The following VSNL1 variants were observed in gnomAD, a reference collection of about 807,000 sequenced individuals.
VSNL1 encodes the protein visinin-like protein 1.
Under a neutral mutation model 20.4 loss-of-function variants are expected in VSNL1, and 6 were observed. The observed-to-expected ratio is 0.29, with a 90% confidence interval of 0.16 to 0.58. The LOEUF (loss-of-function observed/expected upper bound fraction) is 0.58, where lower values mean the gene tolerates loss of function less well. Among genes scored for constraint, VSNL1 ranks in the 20% least tolerant of loss-of-function variants. The pLI, the probability that VSNL1 is intolerant of heterozygous loss-of-function variation, is 0.90. For synonymous variants in VSNL1, 93 were observed against 86.4 expected (o/e 1.08, Z -0.42); for missense variants, 100 against 234.5 (o/e 0.43, Z 3.75).
chr2:17,647,935 T>C (rs529962481), intron 2 of VSNL1, among the ~76,000 whole-genome samples: 1 of 152,188 alleles, frequency 6.6e-6, no homozygotes, highest in East Asian at 1.9e-4. Context: ...GTGAAAGATA[T>C]GTTTAGGGAA....
At chr2:17,543,920 T>A (rs900631127) in intron 1 of VSNL1, among the ~76,000 whole-genome samples, 1 of 152,190 alleles carries the variant, frequency 6.6e-6, no homozygotes, top group African/African-American at 2.4e-5. Context: ...GCCTATACAA[T>A]AACATTCTAT....
At chr2:17,638,681 T>G (rs772570461) in intron 2 of VSNL1, among the ~76,000 whole-genome samples, 14 of 152,180 alleles carry the variant, frequency 9.2e-5, no homozygotes, top group Non-Finnish European at 1.9e-4. Context: ...TCATTCTCAG[T>G]AGGATGGGAG....
intron 2 of VSNL1, among the ~76,000 whole-genome samples, chr2:17,604,828 T>C (rs2103387932): frequency 6.6e-6 from 1 of 152,320 alleles, no homozygotes; most frequent in South Asian, 2.1e-4. Flanking sequence ...GGTGGTTTCT[T>C]TTTTTCTCCT....
chr2:17,544,797 A>C (rs1253773003), intron 1 of VSNL1, among the ~76,000 whole-genome samples: 1 of 152,174 alleles, frequency 6.6e-6, no homozygotes, highest in Admixed American at 6.5e-5. Context: ...ATCTAAACTG[A>C]CAGTGTCCAT....
In VSNL1 at chr2:17,634,572, T is replaced by G. The variant is rs1464890738; in HGVS notation, c.163-14838T>G. Among the ~76,000 whole-genome samples the G allele has an allele frequency of 6.6e-6, 1 of 152,214 alleles. No individual in the cohort carries two copies. On this transcript the variant is annotated intron_variant, in intron 2 of 3. Transcript: ENST00000295156. This position sits in a 1 kb window ranked among gnomAD's most constrained non-coding sequence, Gnocchi z 4.3. ...GATGTGTTTGTTGTACAAATGAGGC[T>G]GAGGCAAAGCTTAGCTGTGCCCCTT...
intron 1 of VSNL1, among the ~76,000 whole-genome samples, chr2:17,557,287 T>C (rs1196891528): frequency 6.6e-6 from 1 of 152,220 alleles, no homozygotes; most frequent in African/African-American, 2.4e-5. Context: ...ATTCACTATG[T>C]AGCTTTTGTA....
intron 2 of VSNL1, among the ~76,000 whole-genome samples, chr2:17,626,917 G>C (rs75678046): frequency 0.06 from 9,141 of 152,258 alleles, 877 homozygotes; most frequent in African/African-American, 0.2. Flanking sequence ...GCCATAGCCT[G>C]CTGGGTGCAG....
intron 1 of VSNL1, among the ~76,000 whole-genome samples, chr2:17,551,137 T>G (rs565230528): frequency 1.3e-4 from 20 of 152,116 alleles, no homozygotes; most frequent in Non-Finnish European, 2.5e-4. Context: ...GCAAAGCATT[T>G]GGGCATCTGA....
At chr2:17,607,039 C>T (rs1664959983) in intron 2 of VSNL1, among the ~76,000 whole-genome samples, 2 of 152,182 alleles carry the variant, frequency 1.3e-5, no homozygotes, top group South Asian at 4.2e-4. Context: ...TGGGAACATC[C>T]CTGAGCTGCA....
At chr2:17,554,917 T>G (rs987093232) in intron 1 of VSNL1, among the ~76,000 whole-genome samples, 1 of 152,222 alleles carries the variant, frequency 6.6e-6, no homozygotes, top group African/African-American at 2.4e-5. Flanking sequence ...TCTTTTCAAT[T>G]AAAATTCTTT....
At chr2:17,564,019 T>C (rs750124400) in intron 1 of VSNL1, among the ~76,000 whole-genome samples, 18 of 152,204 alleles carry the variant, frequency 1.2e-4, no homozygotes, top group Non-Finnish European at 2.9e-5. Context: ...TCTTTGTCTC[T>C]TTCCTTGTTT....
At chr2:17,556,393 TAA>T (rs1210621941) in intron 1 of VSNL1, among the ~76,000 whole-genome samples, 1 of 152,170 alleles carries the variant, frequency 6.6e-6, no homozygotes, top group Non-Finnish European at 1.5e-5. Flanking sequence ...ATTGGATCAT[TAA>T]AAGTCATTGG....
Position 17,540,834 on chromosome 2 carries a change from G to C in VSNL1, c.-90G>C, listed in dbSNP as rs1663268417. The stretch of plus-strand genomic sequence containing the variant: ...AACCACACACAGAGACGGCTTAAGC[G>C]TTTACCCGAATTAAATATATATTTT... On this transcript the variant is annotated 5_prime_UTR_variant, in exon 1 of 4. Transcript: ENST00000295156. 1 of 152,626 alleles carries C rather than the reference G, an allele frequency of 6.6e-6. No homozygotes were observed. Among genetic ancestry groups the C allele is most frequent in the Non-Finnish European group, 1.5e-5 (1 of 68,050 alleles). The allele number at this position is 152,626 out of a possible 1,614,324, so 9.5% of individuals were successfully genotyped here. A position where few individuals can be genotyped will look rare whatever the true frequency, so the allele number is the denominator to read the frequency against.
At chr2:17,606,806 T>C (rs1664955846) in intron 2 of VSNL1, among the ~76,000 whole-genome samples, 1 of 152,188 alleles carries the variant, frequency 6.6e-6, no homozygotes, top group South Asian at 2.1e-4. Context: ...TTTACTGGTC[T>C]ACTTTGCATG....
rs190856197 is a variant in VSNL1, at chr2:17,579,358, G to A, written c.-5-12712G>A. Among the ~76,000 whole-genome samples the A allele has an allele frequency of 7.9e-5, 12 of 151,788 alleles. No homozygotes were observed. In the Middle Eastern group the frequency reaches 0.01, roughly 129 times the overall value. On this transcript the variant is annotated intron_variant, in intron 1 of 3. Transcript: ENST00000295156. ...TGTCGATCTCCTGACCTCGTGATCCGCCCGCCTCGGCCTCCCAAAGTGCTG... is the reference window on the plus strand; with the variant it reads ...TGTCGATCTCCTGACCTCGTGATCCACCCGCCTCGGCCTCCCAAAGTGCTG...
chr2:17,555,722 A>T (rs1423675372), intron 1 of VSNL1, among the ~76,000 whole-genome samples: 1 of 152,166 alleles, frequency 6.6e-6, no homozygotes, highest in Non-Finnish European at 1.5e-5. Context: ...TAAAGTAAGT[A>T]GAAGGCTCTT....
At chr2:17,592,581 A>C (rs948215880) in intron 2 of VSNL1, among the ~76,000 whole-genome samples, 8 of 141,546 alleles carry the variant, frequency 5.7e-5, no homozygotes, top group Non-Finnish European at 9.1e-5. Context: ...TGTTAAAGGT[A>C]TATGTACTTC....
intron 2 of VSNL1, among the ~76,000 whole-genome samples, chr2:17,639,570 C>T (rs1056106786): frequency 1.3e-5 from 2 of 152,172 alleles, no homozygotes; most frequent in African/African-American, 4.8e-5. Context: ...CTCTTCTGGT[C>T]ATTTCCTTTA....
intron 2 of VSNL1, among the ~76,000 whole-genome samples, chr2:17,643,023 G>A (rs779128923): frequency 2.6e-4 from 39 of 151,972 alleles, no homozygotes; most frequent in Non-Finnish European, 5.1e-4. Flanking sequence ...GGTGGGCGAG[G>A]GTGTCCTTAA....
Sources: allele counts gnomAD v4.1 joint callset (sites outside exome capture counted in the v4.1 genomes callset), GRCh38; gene constraint gnomAD v4.1.1; non-coding constraint Gnocchi (gnomAD v3.1); transcripts MANE v1.5; gene names NCBI Gene and HGNC (gene_info 2026-07-23, HGNC 2026-07-21).